COX6C: variants seen among roughly 807,000 people sequenced by gnomAD.
COX6C encodes the protein cytochrome c oxidase subunit 6C.
COX6C carries 3 observed loss-of-function variants against 6.9 expected under a neutral mutation model. That is an observed-to-expected ratio of 0.43 (90% CI 0.20 to 1.12). The LOEUF is 1.12. COX6C is among the 50% of genes most tolerant of loss of function. COX6C has a pLI of 0.27. For synonymous variants in COX6C, 32 were observed against 32.0 expected, an observed-to-expected ratio of 1.00 and a Z score of 0.00; for missense variants, 101 against 97.3, an observed-to-expected ratio of 1.04 and a Z score of -0.16.
chr8:99,891,103 T>C (rs1375589484), intron 2 of COX6C, among the ~76,000 whole-genome samples: 1 of 152,256 alleles, frequency 6.6e-6, no homozygotes, highest in South Asian at 2.1e-4. Flanking sequence ...GCTTCTGTAA[T>C]GGGTTGAATT....
chr8:99,884,487 G>A (rs1329639256), intron 3 of COX6C, among the ~76,000 whole-genome samples: 1 of 152,074 alleles, frequency 6.6e-6, no homozygotes, highest in Non-Finnish European at 1.5e-5. Context: ...AAAAAAATTA[G>A]CAAATCTCAT....
rs34632131 is a variant in COX6C at position 99,885,501 on chromosome 8, A to G, written c.*15+1989T>C. 6.0e-3 allele frequency among the ~76,000 whole-genome samples: 918 copies of G among 152,314 alleles called. 5 individuals are homozygous for G. The highest frequency in any genetic ancestry group is 0.01 in the Middle Eastern group (3 of 294). The stretch of plus-strand genomic sequence containing the variant: ...CAGACTAAAGAAATAGCCCAGAAAT[A>G]AACTCTCGCATTTAGAGTCAAATGA... On this transcript the variant is annotated intron_variant, in intron 3 of 3. Transcript: ENST00000520468.
chr8:99,886,996 C>T (rs1214738295), intron 3 of COX6C: 1 of 152,218 alleles, frequency 6.6e-6, no homozygotes, highest in Non-Finnish European at 1.5e-5. Flanking sequence ...ATTATAGATG[C>T]TCCTTAACTT....
intron 1 of COX6C, among the ~76,000 whole-genome samples, chr8:99,892,820 T>C (rs1028893679): frequency 3.9e-5 from 6 of 152,208 alleles, no homozygotes; most frequent in African/African-American, 1.2e-4. Flanking sequence ...TAATTAACGA[T>C]TGCAAACCCA....
chr8:99,888,580 A>C (rs1355786463), intron 2 of COX6C, among the ~76,000 whole-genome samples: 2 of 152,214 alleles, frequency 1.3e-5, no homozygotes, highest in African/African-American at 4.8e-5. Context: ...TCTTGAAAAA[A>C]TTAAAATAAA....
chr8:99,886,695 C>T, intron 3 of COX6C, among the ~76,000 whole-genome samples: 1 of 152,170 alleles, frequency 6.6e-6, no homozygotes, highest in Non-Finnish European at 1.5e-5. Context: ...AATTCTGACA[C>T]ATGCTGTAAC....
intron 3 of COX6C, 51 bp downstream of exon 3, chr8:99,887,439 T>C: frequency 8.9e-7 from 1 of 1,122,268 alleles, no homozygotes; most frequent in African/African-American, 1.6e-5. Flanking sequence ...GTATTTGCAT[T>C]TTACCACAAT....
At chr8:99,881,748 T>TTGATA (rs1281859123) in intron 3 of COX6C, among the ~76,000 whole-genome samples, 2 of 152,324 alleles carry the variant, frequency 1.3e-5, no homozygotes, top group East Asian at 3.9e-4. Flanking sequence ...TACTGTGTCT[T>TTGATA]TATCAGTAAT....
rs539782567 is a variant in COX6C, at chr8:99,887,508, C to T, written c.225G>A (p.Lys75=). The change falls in exon 3 of 4, where the codon AAG becomes AAA. Residue 75 remains lysine (K), a synonymous_variant. Transcript: ENST00000520468. ...MRKAGIFQSV[K] The stretch of plus-strand genomic sequence containing the variant: ...ATATTACCTTTATATTCCAAGATTA[C>T]TTTACACTCTGAAAGATACCAGCCT... 2.2e-5 allele frequency: 35 copies of T among 1,584,834 alleles called. No homozygotes were observed. In the East Asian group the frequency reaches 7.4e-4, roughly 34 times the overall value.
intron 3 of COX6C, among the ~76,000 whole-genome samples, chr8:99,883,472 T>TATATA (rs1491295653): frequency 3.6e-5 from 4 of 112,196 alleles, no homozygotes; most frequent in African/African-American, 1.3e-4. Flanking sequence ...TATATATATA[T>TATATA]TTTTTTTTTG....
chr8:99,889,384 A>G lies in COX6C; in HGVS notation c.115-1766T>C, dbSNP rs573918202. On this transcript the variant is annotated intron_variant, in intron 2 of 3. Coordinates refer to ENST00000520468, the MANE Select transcript of COX6C (RefSeq NM_004374.4). Reference sequence around the variant, plus strand: ...GGCTCACTGCAACCTCCACCTCCCAATTTTTTTTTTTTTTTTTTGAGACAG... The same window carrying G: ...GGCTCACTGCAACCTCCACCTCCCAGTTTTTTTTTTTTTTTTTTGAGACAG... Among the ~76,000 whole-genome samples, 75 of 126,330 alleles carry G rather than the reference A, an allele frequency of 5.9e-4. 2 individuals are homozygous for G. In the East Asian group the frequency reaches 0.013, roughly 23 times the overall value. The allele number at this position is 126,330 out of a possible 152,430, so 82.9% of individuals were successfully genotyped here. A position where few individuals can be genotyped will look rare whatever the true frequency, so the allele number is the denominator to read the frequency against.
intron 2 of COX6C, among the ~76,000 whole-genome samples, chr8:99,889,190 C>T (rs1182970917): frequency 6.6e-6 from 1 of 152,140 alleles, no homozygotes; most frequent in African/African-American, 2.4e-5. Flanking sequence ...ATCTCAAGGA[C>T]CAAAAGACTT....
intron 2 of COX6C, among the ~76,000 whole-genome samples, chr8:99,890,067 A>C (rs548017387): frequency 1.3e-5 from 2 of 152,008 alleles, no homozygotes; most frequent in South Asian, 4.2e-4. Flanking sequence ...GCACTCCAGC[A>C]TGGGCAACAG....
Position 99,887,486 on chromosome 8 carries a change from T to C in COX6C, c.*15+4A>G. On this transcript the variant is annotated splice_donor_region_variant and intron_variant, in intron 3 of 3. Transcript: ENST00000520468. ...TTTTAAGTAACTTCAAATAACCATA[T>C]TACCTTTATATTCCAAGATTACTTT... 1 of 1,523,218 alleles carries C rather than the reference T, an allele frequency of 6.6e-7. No homozygotes were observed. Among genetic ancestry groups the C allele is most frequent in the South Asian group, 1.2e-5 (1 of 81,292 alleles). 94.4% of individuals were successfully genotyped at this position (1,523,218 alleles called of 1,614,324 possible).
rs1471278958 is a variant in COX6C at position 99,892,118 on chromosome 8, A to AAAG, written c.-31-67_-31-66insCTT. 3.6e-6 allele frequency: 3 copies of AAAG among 835,072 alleles called. No individual in the cohort carries two copies. In the African/African-American group the frequency reaches 5.1e-5, roughly 14 times the overall value. 51.7% of individuals were successfully genotyped at this position (835,072 alleles called of 1,614,324 possible). A position where few individuals can be genotyped will look rare whatever the true frequency, so the allele number is the denominator to read the frequency against. On this transcript the variant is annotated intron_variant, in intron 1 of 3. Transcript: ENST00000520468. ...TTAAGCCACAAACTTGAGAATGGCCACCTGGAAGCATTGATTGGAGCTGCC... is the reference window on the plus strand; with the variant it reads ...TTAAGCCACAAACTTGAGAATGGCCAAAGCCTGGAAGCATTGATTGGAGCTGCC...
intron 2 of COX6C, among the ~76,000 whole-genome samples, chr8:99,891,537 A>G (rs751557548): frequency 2.0e-5 from 3 of 152,192 alleles, no homozygotes; most frequent in African/African-American, 7.2e-5. Flanking sequence ...GAAAGGAAGG[A>G]AAGGTAAAGG....
At chr8:99,892,303 G>C (rs559607856) in intron 1 of COX6C, among the ~76,000 whole-genome samples, 1 of 151,964 alleles carries the variant, frequency 6.6e-6, no homozygotes, top group Non-Finnish European at 1.5e-5. Flanking sequence ...GCCTACAAGT[G>C]AGTTAAGAAA....
At chr8:99,887,468 T>TA in intron 3 of COX6C, 22 bp downstream of exon 3, 1 of 1,412,372 alleles carries the variant, frequency 7.1e-7, no homozygotes, top group Non-Finnish European at 9.6e-7. Context: ...TTTTTTTAAG[T>TA]AACTTCAAAT....
intron 2 of COX6C, among the ~76,000 whole-genome samples, chr8:99,888,563 G>C (rs1286568198): frequency 6.6e-6 from 1 of 152,206 alleles, no homozygotes; most frequent in African/African-American, 2.4e-5. Context: ...GACAGAGCAA[G>C]ACTCCGTCTT....
Sources: allele counts gnomAD v4.1 joint callset (sites outside exome capture counted in the v4.1 genomes callset), GRCh38; gene constraint gnomAD v4.1.1; transcripts MANE v1.5; gene names NCBI Gene and HGNC (gene_info 2026-07-23, HGNC 2026-07-21).